SYNE1: variants seen among roughly 807,000 people sequenced by gnomAD.
SYNE1 encodes the protein spectrin repeat containing nuclear envelope protein 1.
In SYNE1, 616 loss-of-function variants were observed where a neutral mutation model predicts 1,111.0. That is an observed-to-expected ratio of 0.55 (90% CI 0.52 to 0.59). The LOEUF (loss-of-function observed/expected upper bound fraction) is 0.59. SYNE1 is among the 20% of genes least tolerant of loss of function. The pLI, the probability that SYNE1 is intolerant of heterozygous loss-of-function variation, is 0.00. For missense variants in SYNE1, 10,006 were observed against 10,417.0 expected, an observed-to-expected ratio of 0.96 and a Z score of 1.72; for synonymous variants, 3,855 against 3,825.8, an observed-to-expected ratio of 1.01 and a Z score of -0.28.
chr6:152,469,322 A>G (rs1242625495), intron 16 of SYNE1, among the ~76,000 whole-genome samples: 2 of 152,056 alleles, frequency 1.3e-5, no homozygotes, highest in East Asian at 3.8e-4. Context: ...TTTCATTATT[A>G]TTATTATTAT....
intron 11 of SYNE1, among the ~76,000 whole-genome samples, chr6:152,496,218 A>G (rs2098998561): frequency 6.6e-6 from 1 of 152,120 alleles, no homozygotes; most frequent in Non-Finnish European, 1.5e-5. Flanking sequence ...TTTTCTTATT[A>G]ATATAGAAGA....
At chr6:152,213,115 T>C (rs1006703251) in intron 123 of SYNE1, among the ~76,000 whole-genome samples, 1 of 152,222 alleles carries the variant, frequency 6.6e-6, no homozygotes, top group Non-Finnish European at 1.5e-5. Flanking sequence ...TCTTAAGAAA[T>C]AATTATAATG....
chr6:152,438,529 G>C (rs2098497709), intron 32 of SYNE1, among the ~76,000 whole-genome samples: 1 of 152,162 alleles, frequency 6.6e-6, no homozygotes, highest in Non-Finnish European at 1.5e-5. Context: ...GCAGGCAGCA[G>C]GATGCATCAG....
intron 140 of SYNE1, among the ~76,000 whole-genome samples, chr6:152,139,276 A>C (rs1332688049): frequency 6.6e-6 from 1 of 152,140 alleles, no homozygotes; most frequent in Middle Eastern, 3.2e-3. Context: ...CTGCCCTTGA[A>C]AACCATCTTT....
intron 3 of SYNE1, among the ~76,000 whole-genome samples, chr6:152,565,953 A>C (rs977845416): frequency 6.6e-6 from 1 of 152,238 alleles, no homozygotes; most frequent in Admixed American, 6.5e-5. Context: ...TGTGCAAAGC[A>C]CTGACTACAT....
At chr6:152,425,331 C>T in intron 39 of SYNE1, 50 bp downstream of exon 39, 1 of 1,581,942 alleles carries the variant, frequency 6.3e-7, no homozygotes, top group Non-Finnish European at 8.7e-7. Context: ...ATATGCTCAT[C>T]ATTTAAAAAC....
intron 59 of SYNE1, 90 bp downstream of exon 59, chr6:152,372,947 G>A: frequency 1.4e-6 from 2 of 1,391,784 alleles, no homozygotes; most frequent in Non-Finnish European, 2.0e-6. Context: ...ATTGACAAGG[G>A]GGCTTTGATA....
At chr6:152,146,552 A>G (rs1012333121) in intron 137 of SYNE1, 1 of 152,228 alleles carries the variant, frequency 6.6e-6, no homozygotes, top group Non-Finnish European at 1.5e-5. Context: ...TTCAGATGCC[A>G]TATGCCTGAC....
chr6:152,520,308 A>G (rs1215675627), intron 6 of SYNE1, 151 bp downstream of exon 6: 1 of 819,820 alleles, frequency 1.2e-6, no homozygotes. Flanking sequence ...CCATAAATCT[A>G]AGAGTATTTT....
chr6:152,588,874 T>C (rs1336573168), intron 3 of SYNE1, among the ~76,000 whole-genome samples: 2 of 152,000 alleles, frequency 1.3e-5, no homozygotes, highest in East Asian at 1.9e-4. Context: ...TTTTGAAAAA[T>C]AAGCCAGGCT....
At chr6:152,543,154 T>C (rs1423406278) in intron 3 of SYNE1, among the ~76,000 whole-genome samples, 1 of 152,148 alleles carries the variant, frequency 6.6e-6, no homozygotes, top group African/African-American at 2.4e-5. Flanking sequence ...GAGTTTATAG[T>C]TAGACTTCAG....
At chr6:152,538,675 T>C (rs2099255621) in intron 4 of SYNE1, among the ~76,000 whole-genome samples, 1 of 149,474 alleles carries the variant, frequency 6.7e-6, no homozygotes, top group South Asian at 2.1e-4. Context: ...AATTCCATAG[T>C]ACAAATAGCT....
chr6:152,124,175 G>T (rs117713076), intron 145 of SYNE1, among the ~76,000 whole-genome samples: 1 of 152,064 alleles, frequency 6.6e-6, no homozygotes, highest in Non-Finnish European at 1.5e-5. Context: ...GCCTGGTGGC[G>T]TGTGCCTGTA....
chr6:152,428,084 C>T (rs1354950244), intron 37 of SYNE1, 121 bp downstream of exon 37: 2 of 1,371,916 alleles, frequency 1.5e-6, no homozygotes, highest in South Asian at 1.2e-5. Context: ...GAGTTTCCTA[C>T]AGTAGACCCA....
chr6:152,593,354 G>A (rs936454893), intron 3 of SYNE1, among the ~76,000 whole-genome samples: 1 of 152,168 alleles, frequency 6.6e-6, no homozygotes, highest in Non-Finnish European at 1.5e-5. Flanking sequence ...GGAGGCTGAG[G>A]TGGGCGGATC....
chr6:152,187,242 T>C (rs1419595201), intron 128 of SYNE1, among the ~76,000 whole-genome samples: 19 of 151,922 alleles, frequency 1.3e-4, no homozygotes, highest in Admixed American at 1.0e-3. Context: ...TGCTCCAGAG[T>C]TTTCTGTTGG....
At chr6:152,263,388 CTTAT>C (rs906892051) in intron 100 of SYNE1, among the ~76,000 whole-genome samples, 1 of 151,778 alleles carries the variant, frequency 6.6e-6, no homozygotes, top group Non-Finnish European at 1.5e-5. Context: ...TGGTATGGCT[CTTAT>C]TTATTTATTT....
chr6:152,404,981 C>G (rs1270996539), intron 45 of SYNE1: 3 of 152,212 alleles, frequency 2.0e-5, no homozygotes, highest in Non-Finnish European at 4.4e-5. Context: ...TATTTTGGTG[C>G]TTTGTGGACA....
chr6:152,391,039 G>A lies in SYNE1; in HGVS notation c.8004+238C>T, dbSNP rs75053394. On this transcript the variant is annotated intron_variant, in intron 52 of 145. Coordinates refer to ENST00000367255, the MANE Select transcript of SYNE1 (RefSeq NM_182961.4). ...TGGAGCAGAGTAGATATTCAGTAACGCTTGCTGAATATTTACTAAATCAAA... is the reference window on the plus strand; with the variant it reads ...TGGAGCAGAGTAGATATTCAGTAACACTTGCTGAATATTTACTAAATCAAA... Among the ~76,000 whole-genome samples, 3,557 of 152,224 alleles carry A rather than the reference G, an allele frequency of 0.023. 142 individuals carry two copies. Among genetic ancestry groups the A allele is most frequent in the African/African-American group, 0.08 (3,323 of 41,532 alleles).
Sources: allele counts gnomAD v4.1 joint callset (sites outside exome capture counted in the v4.1 genomes callset), GRCh38; gene constraint gnomAD v4.1.1; transcripts MANE v1.5; gene names NCBI Gene and HGNC (gene_info 2026-07-23, HGNC 2026-07-21).